Variants in DNAJB6 observed in about 807,000 individuals in gnomAD.
DNAJB6 encodes dnaJ homolog subfamily B member 6.
A neutral mutation model predicts 42.7 loss-of-function variants in DNAJB6; 16 were observed. The ratio of observed to expected loss-of-function variants is 0.37; its 90% CI spans 0.25 to 0.57. The LOEUF is 0.57. DNAJB6 is among the 20% of genes least tolerant of loss of function. DNAJB6 has a pLI of 0.74. For synonymous variants in DNAJB6, 170 were observed against 163.5 expected (o/e 1.04, Z -0.30); for missense variants, 347 against 416.8 (o/e 0.83, Z 1.46).
At chr7:157,346,839 A>AGT (rs1798713415) in intron 1 of DNAJB6, among the ~76,000 whole-genome samples, 3 of 152,140 alleles carry the variant, frequency 2.0e-5, no homozygotes, top group South Asian at 4.2e-4. Context: ...CTCTTTCTAG[A>AGT]CCTTCAGCTA....
At chr7:157,411,628 C>A (rs957617697) in intron 9 of DNAJB6, 1 of 152,306 alleles carries the variant, frequency 6.6e-6, no homozygotes, top group Admixed American at 6.5e-5. Context: ...CCACCGGAAG[C>A]CTGGCCTGCT....
At chr7:157,374,270 A>AT (rs894361345) in intron 5 of DNAJB6, among the ~76,000 whole-genome samples, 5 of 151,606 alleles carry the variant, frequency 3.3e-5, no homozygotes, top group Non-Finnish European at 7.4e-5. Flanking sequence ...GAAGTATCTC[A>AT]TTTTTTTTGA....
chr7:157,354,403 T>G (rs1799166451), intron 1 of DNAJB6, among the ~76,000 whole-genome samples: 2 of 152,212 alleles, frequency 1.3e-5, no homozygotes, highest in Non-Finnish European at 1.5e-5. Context: ...CACCTTGGCC[T>G]CCCAAAGTGC....
chr7:157,401,786 C>T (rs1023577538), intron 8 of DNAJB6, among the ~76,000 whole-genome samples: 1 of 152,210 alleles, frequency 6.6e-6, no homozygotes, highest in African/African-American at 2.4e-5. Context: ...AGGACCGAGG[C>T]GGTGTGAGTG....
intron 1 of DNAJB6, among the ~76,000 whole-genome samples, chr7:157,344,365 TAGCC>T (rs1416972408): frequency 6.8e-6 from 1 of 146,692 alleles, no homozygotes; most frequent in Non-Finnish European, 1.5e-5. Context: ...AAAAAAAAAA[TAGCC>T]AGGCATTGTG....
At chr7:157,406,224 G>A (rs1001529602) in intron 8 of DNAJB6, among the ~76,000 whole-genome samples, 1 of 152,240 alleles carries the variant, frequency 6.6e-6, no homozygotes, top group African/African-American at 2.4e-5. Context: ...CGGGAAGCTC[G>A]GTGTGGGGGT....
intron 3 of DNAJB6, among the ~76,000 whole-genome samples, chr7:157,365,973 C>CT (rs988996975): frequency 1.1e-4 from 16 of 149,820 alleles, no homozygotes; most frequent in Non-Finnish European, 2.1e-4. Context: ...TAAGTCCCCC[C>CT]CGCGCCTACT....
intron 5 of DNAJB6, chr7:157,372,122 G>A (rs1800240182): frequency 6.5e-6 from 1 of 152,694 alleles, no homozygotes; most frequent in Non-Finnish European, 1.5e-5. Context: ...AATTATGATA[G>A]TAGTCAGTCA....
At chr7:157,342,202 C>G (rs1172764830) in intron 1 of DNAJB6, among the ~76,000 whole-genome samples, 1 of 151,980 alleles carries the variant, frequency 6.6e-6, no homozygotes, top group Non-Finnish European at 1.5e-5. Context: ...GGGTCTCACT[C>G]TGTCACCCAG....
intron 5 of DNAJB6, among the ~76,000 whole-genome samples, chr7:157,373,122 A>G (rs1350920378): frequency 6.8e-6 from 1 of 148,102 alleles, no homozygotes; most frequent in Non-Finnish European, 1.5e-5. Flanking sequence ...TGCCCACTGT[A>G]ATGATTTCAT....
intron 5 of DNAJB6, chr7:157,369,231 G>A (rs1563127456): frequency 2.2e-6 from 1 of 455,794 alleles, no homozygotes; most frequent in South Asian, 1.6e-5. Flanking sequence ...GTTTACATCC[G>A]TCCTTCATCA....
At position 157,409,229 on chromosome 7, in the gene DNAJB6, C is replaced by T. The variant is rs530877283; in HGVS notation, c.692-566C>T. Among the ~76,000 whole-genome samples, 21 of 152,270 alleles carry T rather than the reference C, an allele frequency of 1.4e-4. No homozygotes were observed. The East Asian group carries it at 3.9e-3, about 28-fold the overall frequency. On this transcript the variant is annotated intron_variant, in intron 8 of 9. Transcript: ENST00000262177. ...TTTTCAGAGCGTTGAGAAGCCGGCC[C>T]GTCTTGGGTGTGTGTGTTGTGCGGG... is the stretch of plus-strand genomic sequence containing the variant.
chr7:157,347,990 T>TA (rs989683894), intron 1 of DNAJB6, among the ~76,000 whole-genome samples: 4 of 151,660 alleles, frequency 2.6e-5, no homozygotes, highest in African/African-American at 9.7e-5. Context: ...GAGATGGTGT[T>TA]ACGTCATGTT....
chr7:157,410,944 C>G (rs113870983), intron 9 of DNAJB6: 5 of 152,192 alleles, frequency 3.3e-5, no homozygotes, highest in Admixed American at 1.3e-4. Flanking sequence ...GCACAGTTGC[C>G]GGTTACGCTT....
At chr7:157,353,075 C>CA (rs1336104383) in intron 1 of DNAJB6, among the ~76,000 whole-genome samples, 22 of 151,154 alleles carry the variant, frequency 1.5e-4, no homozygotes, top group South Asian at 8.4e-4. Flanking sequence ...ATTGCCCTAT[C>CA]AAATTTTTTT....
intron 9 of DNAJB6, chr7:157,413,405 G>A (rs189817856): frequency 1.3e-5 from 2 of 152,364 alleles, no homozygotes; most frequent in East Asian, 3.9e-4. Flanking sequence ...TCTCGGAACT[G>A]AAGATGGGAA....
intron 9 of DNAJB6, chr7:157,413,752 T>C (rs1796037380): frequency 7.1e-6 from 1 of 141,348 alleles, no homozygotes; most frequent in South Asian, 2.4e-4. Context: ...TGAGACAGTC[T>C]CGCTCTGTCG....
intron 8 of DNAJB6, among the ~76,000 whole-genome samples, chr7:157,402,087 G>A (rs546639746): frequency 6.6e-6 from 1 of 152,320 alleles, no homozygotes; most frequent in Non-Finnish European, 1.5e-5. Context: ...AGTGGCTTCT[G>A]CCGCACTCCG....
At chr7:157,344,188 A>T (rs542116806) in intron 1 of DNAJB6, among the ~76,000 whole-genome samples, 13 of 152,280 alleles carry the variant, frequency 8.5e-5, no homozygotes, top group African/African-American at 3.1e-4. Flanking sequence ...AAACAATACA[A>T]AAATCAGCTG....
Sources: gnomAD v4.1 joint callset for allele counts (sites outside exome capture counted in the v4.1 genomes callset) on GRCh38, gnomAD v4.1.1 for gene constraint, MANE v1.5 for transcripts, NCBI Gene and HGNC (gene_info 2026-07-23, HGNC 2026-07-21) for gene names.